ASTN2: variants seen among roughly 807,000 people sequenced by gnomAD.
The protein encoded by ASTN2 is astrotactin 2.
Under a neutral mutation model 139.8 loss-of-function variants are expected in ASTN2, and 54 were observed. The observed-to-expected ratio is 0.39, with a 90% confidence interval of 0.31 to 0.48. The LOEUF is 0.48. ASTN2 is among the 20% of genes least tolerant of loss of function. The pLI is 0.95. For synonymous variants in ASTN2, 756 were observed against 719.5 expected (o/e 1.05, Z -0.81); for missense variants, 1,565 against 1,725.1 (o/e 0.91, Z 1.64).
At chr9:116,513,125 G>T (rs1413570817) in intron 19 of ASTN2, among the ~76,000 whole-genome samples, 1 of 152,296 alleles carries the variant, frequency 6.6e-6, no homozygotes, top group South Asian at 2.1e-4. Flanking sequence ...GCATGTTTTT[G>T]TAGTGGCTGG....
chr9:116,626,638 A>T (rs2131846853), intron 17 of ASTN2, among the ~76,000 whole-genome samples: 1 of 152,240 alleles, frequency 6.6e-6, no homozygotes, highest in Non-Finnish European at 1.5e-5. Context: ...AGTGGGGTTG[A>T]TACCTTTTTT....
At chr9:116,597,299 A>ATTTTTGTTTTTTTTTTTTTTTTTTT (rs1554718677) in intron 19 of ASTN2, among the ~76,000 whole-genome samples, 1 of 75,532 alleles carries the variant, frequency 1.3e-5, no homozygotes, top group Admixed American at 1.9e-4. Flanking sequence ...CTTTTGATCT[A>ATTTTTGTTTTTTTTTTTTTTTTTTT]TTTTTTTTTT....
At position 116,425,196 on chromosome 9, in the gene ASTN2, T is replaced by G. The variant is rs10983150; in HGVS notation, c.*655A>C. ...ATAAACAGAGGTCTCTCAAGCACAT[T>G]CCCTTGGTAAGAAATACCACCCAAG... On this transcript the variant is annotated 3_prime_UTR_variant, in exon 23 of 23. Transcript: ENST00000313400. 0.38 allele frequency: 96,578 copies of G among 255,094 alleles called. 19,699 individuals are homozygous for G. The highest frequency in any genetic ancestry group is 0.44 in the Non-Finnish European group (58,833 of 134,714). 15.8% of individuals were successfully genotyped at this position (255,094 alleles called of 1,614,324 possible).
chr9:116,728,177 T>C (rs967734660), intron 15 of ASTN2, among the ~76,000 whole-genome samples: 1 of 152,060 alleles, frequency 6.6e-6, no homozygotes, highest in African/African-American at 2.4e-5. Context: ...ACCAACAACG[T>C]GCTAATCTTT....
chr9:117,126,889 T>C (rs915706566), intron 4 of ASTN2, among the ~76,000 whole-genome samples: 3 of 152,174 alleles, frequency 2.0e-5, no homozygotes, highest in African/African-American at 7.2e-5. Context: ...TGTCTTACAC[T>C]GAGTAGACAT....
intron 19 of ASTN2, among the ~76,000 whole-genome samples, chr9:116,524,590 C>CT (rs1851012813): frequency 6.6e-6 from 1 of 152,192 alleles, no homozygotes. Context: ...TCTCAGTTTC[C>CT]TTCCCTGCCC....
At chr9:116,590,165 G>A (rs199885799) in intron 19 of ASTN2, among the ~76,000 whole-genome samples, 2 of 152,296 alleles carry the variant, frequency 1.3e-5, no homozygotes, top group East Asian at 1.9e-4. Flanking sequence ...TTGGAGGAGC[G>A]GGAGCCCCAC....
At chr9:116,431,274 C>T (rs1234624542) in intron 22 of ASTN2, among the ~76,000 whole-genome samples, 1 of 152,106 alleles carries the variant, frequency 6.6e-6, no homozygotes, top group African/African-American at 2.4e-5. Context: ...GAAAACATTC[C>T]CATTCGCCTC....
At chr9:116,444,101 C>A (rs767748704) in intron 20 of ASTN2, among the ~76,000 whole-genome samples, 3 of 67,292 alleles carry the variant, frequency 4.5e-5, no homozygotes, top group Non-Finnish European at 9.6e-5. Flanking sequence ...GGCACTATTA[C>A]TCTCTTTATT....
chr9:117,236,258 T>C (rs1292496158), intron 2 of ASTN2, among the ~76,000 whole-genome samples: 2 of 152,140 alleles, frequency 1.3e-5, no homozygotes, highest in Non-Finnish European at 2.9e-5. Context: ...TCTTGAATAA[T>C]ACACAAAAAT....
chr9:117,389,717 C>G (rs1830494403), intron 1 of ASTN2, among the ~76,000 whole-genome samples: 1 of 152,024 alleles, frequency 6.6e-6, no homozygotes. Context: ...TAATTGTGAA[C>G]CAAATGCTTG....
chr9:117,227,748 C>T (rs1832762042), intron 2 of ASTN2, among the ~76,000 whole-genome samples: 2 of 152,174 alleles, frequency 1.3e-5, no homozygotes, highest in South Asian at 4.1e-4. Flanking sequence ...TCCTCTCTCT[C>T]TACTGTTGGA....
At chr9:116,673,188 G>A (rs1262204010) in intron 16 of ASTN2, among the ~76,000 whole-genome samples, 1 of 152,174 alleles carries the variant, frequency 6.6e-6, no homozygotes, top group African/African-American at 2.4e-5. Context: ...GCTTGGGGCT[G>A]CTCCCACACT....
At chr9:116,700,602 G>A (rs573732326) in intron 16 of ASTN2, 4 of 167,090 alleles carry the variant, frequency 2.4e-5, no homozygotes, top group Admixed American at 2.0e-4. Context: ...GTGGAGAGGT[G>A]GACACATTTT....
In ASTN2 at chr9:116,436,093, CTG is replaced by C. The variant is rs1564275347; in HGVS notation, c.3782+4514_3782+4515del. 2.0e-5 allele frequency among the ~76,000 whole-genome samples: 3 copies of C among 152,318 alleles called. No individual in the cohort carries two copies. In the South Asian group the frequency reaches 6.2e-4, roughly 32 times the overall value. On this transcript the variant is annotated intron_variant, in intron 22 of 22. Coordinates refer to ENST00000313400, the MANE Select transcript of ASTN2 (RefSeq NM_001365068.1). ...AGGCAGGATCTCTGCCATCTTCACT[CTG>C]TATTTTTAGCCCCCAGCACACGGCC...
intron 5 of ASTN2, among the ~76,000 whole-genome samples, chr9:117,065,578 A>G (rs1172241588): frequency 6.6e-6 from 1 of 152,166 alleles, no homozygotes; most frequent in East Asian, 1.9e-4. Context: ...GTTTGCCTGG[A>G]GTGTAGACCA....
chr9:116,872,546 G>A (rs568910050), intron 10 of ASTN2, among the ~76,000 whole-genome samples: 15 of 152,270 alleles, frequency 9.9e-5, no homozygotes, highest in African/African-American at 3.1e-4. Flanking sequence ...GGAGACACAG[G>A]AATGGATGTA....
At chr9:116,768,237 C>T (rs1274238631) in intron 13 of ASTN2, among the ~76,000 whole-genome samples, 1 of 68,434 alleles carries the variant, frequency 1.5e-5, no homozygotes, top group Non-Finnish European at 4.0e-5. Context: ...TTCCTATCTG[C>T]TTTTTGCCAT....
chr9:117,127,802 T>C (rs1829730781), intron 4 of ASTN2, among the ~76,000 whole-genome samples: 1 of 145,796 alleles, frequency 6.9e-6, no homozygotes, highest in Non-Finnish European at 1.5e-5. Context: ...TGCTTCAGCC[T>C]CCCCAGTATC....
Sources: gnomAD v4.1 joint callset for allele counts (sites outside exome capture counted in the v4.1 genomes callset) on GRCh38, gnomAD v4.1.1 for gene constraint, MANE v1.5 for transcripts, NCBI Gene and HGNC (gene_info 2026-07-23, HGNC 2026-07-21) for gene names.